The following SGCD variants were observed in gnomAD, a reference collection of about 807,000 sequenced individuals.
The protein encoded by SGCD is delta-sarcoglycan.
A neutral mutation model predicts 36.6 loss-of-function variants in SGCD; 18 were observed. The observed-to-expected ratio is 0.49, with a 90% CI of 0.34 to 0.73. The LOEUF (loss-of-function observed/expected upper bound fraction) is 0.73, where lower values mean the gene tolerates loss of function less well. SGCD is among the 30% of genes least tolerant of loss of function. The pLI, the probability that SGCD is intolerant of heterozygous loss-of-function variation, is 0.01. For synonymous variants in SGCD, 133 were observed against 130.6 expected (o/e 1.02, Z -0.12); for missense variants, 387 against 346.7 (o/e 1.12, Z -0.92).
intron 3 of SGCD, among the ~76,000 whole-genome samples, chr5:156,157,859 A>G (rs1035308368): frequency 6.6e-6 from 1 of 151,696 alleles, no homozygotes; most frequent in African/African-American, 2.4e-5. Flanking sequence ...CAGTTTTGTG[A>G]TTTTTAAAAT....
At chr5:156,523,706 AG>A (rs931230918) in intron 4 of SGCD, among the ~76,000 whole-genome samples, 2 of 152,084 alleles carry the variant, frequency 1.3e-5, no homozygotes, top group African/African-American at 4.8e-5. Flanking sequence ...CTTACACGGT[AG>A]AGTTCAGGGG....
intron 3 of SGCD, among the ~76,000 whole-genome samples, chr5:156,185,886 G>GAGAGAGAGAGAGA (rs1465933664): frequency 5.7e-4 from 10 of 17,556 alleles, no homozygotes; most frequent in South Asian, 1.7e-3. Flanking sequence ...GAGAGAGAGA[G>GAGAGAGAGAGAGA]GGCCATGTCT....
At chr5:155,744,179 G>C in the SGCD span, among the ~76,000 whole-genome samples, 1 of 151,990 alleles carries the variant, frequency 6.6e-6, no homozygotes, top group African/African-American at 2.4e-5. Context: ...TTGAAGGAGC[G>C]GGCCAGGTGT....
intron 3 of SGCD, among the ~76,000 whole-genome samples, chr5:156,352,049 G>A (rs1026974355): frequency 6.6e-6 from 1 of 152,098 alleles, no homozygotes; most frequent in Admixed American, 6.6e-5. Context: ...ATTTCCCTAG[G>A]CTGTATGAAG....
chr5:156,378,259 G>A (rs920667653), intron 3 of SGCD, among the ~76,000 whole-genome samples: 1 of 152,138 alleles, frequency 6.6e-6, no homozygotes, highest in African/African-American at 2.4e-5. Context: ...CTCAAATGCT[G>A]TATGATTCCC....
At chr5:156,429,908 C>T (rs1773856138) in intron 3 of SGCD, among the ~76,000 whole-genome samples, 1 of 152,088 alleles carries the variant, frequency 6.6e-6, no homozygotes. Flanking sequence ...GATAGGTTTT[C>T]CTTTGTAGGT....
intron 3 of SGCD, among the ~76,000 whole-genome samples, chr5:156,413,209 AG>A: frequency 6.6e-6 from 1 of 152,232 alleles, no homozygotes; most frequent in African/African-American, 2.4e-5. Context: ...TAAAACCAGC[AG>A]GTACTGAGAT....
At chr5:156,618,647 T>C (rs543351708) in intron 6 of SGCD, among the ~76,000 whole-genome samples, 1 of 148,920 alleles carries the variant, frequency 6.7e-6, no homozygotes, top group African/African-American at 2.5e-5. Context: ...TTTCACTGCC[T>C]AGTAGCGCGC....
At position 156,445,027 on chromosome 5, in the gene SGCD, C is replaced by T. The variant is rs143777149; in HGVS notation, c.193-63574C>T. Among the ~76,000 whole-genome samples the T allele has an allele frequency of 1.6e-3, 251 of 152,222 alleles. 1 individual carries two copies. The highest frequency in any genetic ancestry group is 0.013 in the South Asian group (62 of 4,820). The stretch of plus-strand genomic sequence containing the variant: ...ATTTAGGTATAATTGAGAGCATTAG[C>T]GTTCTTCATAATAGCCCAGTGAATG... On this transcript the variant is annotated intron_variant, in intron 3 of 8. Coordinates refer to ENST00000337851, the MANE Select transcript of SGCD (RefSeq NM_000337.6).
intron 7 of SGCD, among the ~76,000 whole-genome samples, chr5:156,744,650 A>G (rs993162844): frequency 6.6e-6 from 1 of 152,226 alleles, no homozygotes; most frequent in Non-Finnish European, 1.5e-5. Flanking sequence ...ACAAATTCCT[A>G]TAATAAACGA....
chr5:155,759,451 A>G, the SGCD span, among the ~76,000 whole-genome samples: 1 of 152,144 alleles, frequency 6.6e-6, no homozygotes, highest in African/African-American at 2.4e-5. Flanking sequence ...AATGCAGAGT[A>G]AGCATTTATA....
intron 3 of SGCD, among the ~76,000 whole-genome samples, chr5:156,173,546 A>G (rs1763391146): frequency 1.3e-5 from 2 of 152,204 alleles, no homozygotes; most frequent in African/African-American, 4.8e-5. Flanking sequence ...GGAAAAAAAG[A>G]GAGAATAAAC....
Position 156,472,962 on chromosome 5 carries a change from G to T in SGCD, c.193-35639G>T, listed in dbSNP as rs571635885. On this transcript the variant is annotated intron_variant, in intron 3 of 8. Transcript: ENST00000337851. ...CATGAGTGTGTATGTTTATCAAAAT[G>T]TTATAATCTATGTATTTCACTGTAT... 2.6e-4 allele frequency among the ~76,000 whole-genome samples: 40 copies of T among 152,230 alleles called. No individual in the cohort carries two copies. The South Asian group carries it at 6.8e-3, about 26-fold the overall frequency.
At chr5:155,773,942 T>G in the SGCD span, among the ~76,000 whole-genome samples, 1 of 152,100 alleles carries the variant, frequency 6.6e-6, no homozygotes, top group Non-Finnish European at 1.5e-5. Flanking sequence ...AGCATGAAAC[T>G]GTCTCCTCAC....
At chr5:155,763,957 A>G in the SGCD span, among the ~76,000 whole-genome samples, 1 of 151,976 alleles carries the variant, frequency 6.6e-6, no homozygotes, top group African/African-American at 2.4e-5. Flanking sequence ...TTCTAGTAGA[A>G]TTATTTGGAA....
the SGCD span, among the ~76,000 whole-genome samples, chr5:155,774,441 A>G: frequency 6.6e-6 from 1 of 152,092 alleles, no homozygotes; most frequent in Non-Finnish European, 1.5e-5. Flanking sequence ...TAGTTACTTA[A>G]ACAACACAAT....
intron 3 of SGCD, among the ~76,000 whole-genome samples, chr5:156,479,085 ATTCT>A (rs1193531949): frequency 6.6e-6 from 1 of 151,870 alleles, no homozygotes; most frequent in Admixed American, 6.6e-5. Context: ...ATAATTCAAG[ATTCT>A]TTATTTATTT....
chr5:155,857,671 G>A, the SGCD span, among the ~76,000 whole-genome samples: 1 of 152,142 alleles, frequency 6.6e-6, no homozygotes, highest in Non-Finnish European at 1.5e-5. Flanking sequence ...AGGCAGGAAG[G>A]ATAGATTATA....
chr5:156,177,222 G>A (rs1352894168), intron 3 of SGCD, among the ~76,000 whole-genome samples: 9 of 152,104 alleles, frequency 5.9e-5, no homozygotes, highest in East Asian at 1.9e-4. Flanking sequence ...GGATGATCTC[G>A]ATCTCTTGAC....
Sources: gnomAD v4.1 joint callset for allele counts (sites outside exome capture counted in the v4.1 genomes callset) on GRCh38, gnomAD v4.1.1 for gene constraint, MANE v1.5 for transcripts, NCBI Gene and HGNC (gene_info 2026-07-23, HGNC 2026-07-21) for gene names.